The following POLR1D variants were observed in gnomAD, a reference collection of about 807,000 sequenced individuals.
POLR1D encodes the protein DNA-directed RNA polymerases I and III subunit RPAC2.
POLR1D carries 8 observed loss-of-function variants against 10.8 expected under a neutral mutation model. The observed-to-expected ratio is 0.74, with a 90% CI of 0.43 to 1.33. The LOEUF is 1.33. POLR1D is among the 40% of genes most tolerant of loss of function. The pLI is 0.01. For synonymous variants in POLR1D, 54 were observed against 57.2 expected (o/e 0.94, Z 0.25); for missense variants, 152 against 161.7 (o/e 0.94, Z 0.32).
chr13:27,638,155 A>G (rs1307130004), intron 1 of POLR1D, among the ~76,000 whole-genome samples: 1 of 152,208 alleles, frequency 6.6e-6, no homozygotes, highest in Non-Finnish European at 1.5e-5. Context: ...AGGGAAGCAC[A>G]GTTGCTCTAG....
At chr13:27,631,834 A>G (rs963545916) in intron 1 of POLR1D, among the ~76,000 whole-genome samples, 30 of 152,190 alleles carry the variant, frequency 2.0e-4, no homozygotes, top group Admixed American at 1.4e-3. Flanking sequence ...TGAGTACCAC[A>G]ACAGGAAGAA....
chr13:27,646,522 C>A (rs951234506), intron 1 of POLR1D, among the ~76,000 whole-genome samples: 4 of 152,172 alleles, frequency 2.6e-5, no homozygotes, highest in African/African-American at 7.2e-5. Flanking sequence ...TTGAGGGAGT[C>A]AACATGTCAG....
intron 1 of POLR1D, among the ~76,000 whole-genome samples, chr13:27,640,057 CT>C (rs1956160638): frequency 6.6e-6 from 1 of 152,070 alleles, no homozygotes; most frequent in South Asian, 2.1e-4. Context: ...TCCTTATTTC[CT>C]TATCTATGAA....
At chr13:27,644,373 T>C (rs1285506369) in intron 1 of POLR1D, among the ~76,000 whole-genome samples, 1 of 152,184 alleles carries the variant, frequency 6.6e-6, no homozygotes, top group East Asian at 1.9e-4. Context: ...TTAAGATGAT[T>C]TTGTACCAGA....
At chr13:27,628,224 CT>C, downstream of POLR1D, among the ~76,000 whole-genome samples, 1 of 152,304 alleles carries the variant, frequency 6.6e-6, no homozygotes, top group East Asian at 1.9e-4. Context: ...CAGCCTGGCT[CT>C]TACGGTCTGC....
intron 2 of POLR1D, among the ~76,000 whole-genome samples, chr13:27,656,967 T>C (rs1168234095): frequency 2.6e-5 from 4 of 152,176 alleles, no homozygotes; most frequent in Admixed American, 1.3e-4. Context: ...CTACTATGTA[T>C]GTGAAAACCT....
At chr13:27,623,647 G>T (rs1955976833), downstream of POLR1D, among the ~76,000 whole-genome samples, 1 of 115,168 alleles carries the variant, frequency 8.7e-6, no homozygotes, top group Non-Finnish European at 1.9e-5. Context: ...CAAAAACCAT[G>T]ACCCCAGTTA....
intron 2 of POLR1D, among the ~76,000 whole-genome samples, chr13:27,660,403 G>A (rs760745860): frequency 9.2e-5 from 14 of 152,286 alleles, no homozygotes; most frequent in Admixed American, 2.0e-4. Flanking sequence ...ATAAAAGAAC[G>A]CATTGAAGTG....
rs151041219 is a variant in POLR1D, at chr13:27,622,914, G to A, written c.66G>A (p.Glu22=). 45 of 1,611,812 alleles carry A rather than the reference G, an allele frequency of 2.8e-5. No homozygotes were observed. The African/African-American group carries it at 5.7e-4, about 21-fold the overall frequency. ...SGLKTSMAEG[E]RKTALEMVQA... ...TGAAGACCTCAATGGCTGAAGGCGAGAGGAAGACAGCCCTGGAAATGGTCC... is the reference window on the plus strand; with the variant it reads ...TGAAGACCTCAATGGCTGAAGGCGAAAGGAAGACAGCCCTGGAAATGGTCC... The change falls in exon 2 of 2, where the codon GAG becomes GAA. Residue 22 remains glutamate (E), a synonymous_variant. Transcript: ENST00000302979.
intron 2 of POLR1D, among the ~76,000 whole-genome samples, chr13:27,661,616 C>A (rs1434445945): frequency 6.6e-6 from 1 of 152,130 alleles, no homozygotes; most frequent in Non-Finnish European, 1.5e-5. Flanking sequence ...AAAGCTGATA[C>A]GAGAAAAGCC....
At chr13:27,634,327 G>A (rs1273372706) in intron 1 of POLR1D, among the ~76,000 whole-genome samples, 2 of 152,138 alleles carry the variant, frequency 1.3e-5, no homozygotes, top group Admixed American at 1.3e-4. Flanking sequence ...GCCCAGACTT[G>A]TAGCAAGCAA....
intron 1 of POLR1D, among the ~76,000 whole-genome samples, chr13:27,637,647 A>G (rs1307556237): frequency 6.6e-6 from 1 of 152,196 alleles, no homozygotes; most frequent in East Asian, 1.9e-4. Flanking sequence ...TATATTAACT[A>G]AGTTTTTAAA....
At chr13:27,622,337 C>A (rs1202348021) in intron 1 of POLR1D, 1 of 468,906 alleles carries the variant, frequency 2.1e-6, no homozygotes, top group Admixed American at 3.6e-5. Context: ...TACGGCTCAC[C>A]TTCTTTCTAT....
intron 1 of POLR1D, among the ~76,000 whole-genome samples, chr13:27,647,501 G>A (rs996598349): frequency 6.6e-6 from 1 of 151,942 alleles, no homozygotes; most frequent in African/African-American, 2.4e-5. Context: ...GGGATTACAG[G>A]CATAAGCCAC....
intron 2 of POLR1D, among the ~76,000 whole-genome samples, chr13:27,657,678 T>C (rs1279669799): frequency 6.6e-6 from 1 of 152,200 alleles, no homozygotes; most frequent in Non-Finnish European, 1.5e-5. Context: ...ATCAATCAAG[T>C]TTGGGAAGCA....
chr13:27,636,281 C>CA (rs1331636104), intron 1 of POLR1D, among the ~76,000 whole-genome samples: 1 of 152,122 alleles, frequency 6.6e-6, no homozygotes, highest in Non-Finnish European at 1.5e-5. Flanking sequence ...GTTAAATTTT[C>CA]AAAAACCAGA....
chr13:27,626,452 T>C (rs1323687080), downstream of POLR1D, among the ~76,000 whole-genome samples: 9 of 151,922 alleles, frequency 5.9e-5, no homozygotes, highest in African/African-American at 2.4e-5. Context: ...CAGAAGGCAG[T>C]TGGGTGGAGG....
At chr13:27,657,905 A>G (rs914920000) in intron 2 of POLR1D, among the ~76,000 whole-genome samples, 14 of 152,138 alleles carry the variant, frequency 9.2e-5, no homozygotes, top group African/African-American at 3.4e-4. Flanking sequence ...GCACACCCAA[A>G]CAGATATGGG....
intron 1 of POLR1D, among the ~76,000 whole-genome samples, chr13:27,634,675 C>CTTTT (rs369618281): frequency 9.6e-5 from 12 of 124,996 alleles, no homozygotes; most frequent in African/African-American, 3.0e-4. Context: ...ATAGACTCTG[C>CTTTT]TTTTTTTTTT....
Sources: gnomAD v4.1 joint callset for allele counts (sites outside exome capture counted in the v4.1 genomes callset) on GRCh38, gnomAD v4.1.1 for gene constraint, MANE v1.5 for transcripts, NCBI Gene and HGNC (gene_info 2026-07-23, HGNC 2026-07-21) for gene names.